The following PDE1C variants were observed in gnomAD, a reference collection of about 807,000 sequenced individuals.
PDE1C encodes phosphodiesterase 1C.
In PDE1C, 62 loss-of-function variants were observed where a neutral mutation model predicts 93.1. The observed-to-expected ratio is 0.67, with a 90% confidence interval of 0.54 to 0.82. The LOEUF (loss-of-function observed/expected upper bound fraction) is 0.82. Among genes scored for constraint, PDE1C ranks in the 40% least tolerant of loss-of-function variants. PDE1C has a pLI of 0.00. For missense variants in PDE1C, 742 were observed against 884.6 expected (o/e 0.84, Z 2.04); for synonymous variants, 325 against 310.1 (o/e 1.05, Z -0.50).
At position 31,879,044 on chromosome 7, in the gene PDE1C, C is replaced by A; in HGVS notation, c.377G>T (p.Arg126Leu). 1.2e-6 allele frequency: 2 copies of A among 1,614,164 alleles called. No homozygotes were observed. Among genetic ancestry groups the A allele is most frequent in the African/African-American group, 1.3e-5 (1 of 75,050 alleles). ...MMLRRSDEKPRFKSIVHAVQA... is the reference protein window; with the variant it reads ...MMLRRSDEKPLFKSIVHAVQA... ...CACTGCGTGAACGATGCTCTTGAACCGGGGCTTCTCGTCGCTCCTCCTGAG... is the reference window on the plus strand; with the variant it reads ...CACTGCGTGAACGATGCTCTTGAACAGGGGCTTCTCGTCGCTCCTCCTGAG... The change falls in exon 4 of 18, where the codon CGG (arginine) becomes CTG (leucine). Residue 126 changes from arginine to leucine, a missense_variant. Physicochemically the swap from Arg to Leu is moderately radical, Grantham distance 102. Transcript: ENST00000396191.
At chr7:31,628,658 G>A in the PDE1C span, among the ~76,000 whole-genome samples, 151 of 151,940 alleles carry the variant, frequency 9.9e-4, 1 homozygote, top group South Asian at 8.9e-3. Context: ...GGGTTTCACC[G>A]TGTTAGCCAG....
At chr7:31,651,978 G>C in the PDE1C span, 1 of 1,605,382 alleles carries the variant, frequency 6.2e-7, no homozygotes, top group Non-Finnish European at 8.5e-7. Context: ...GTGAGGCCCT[G>C]AGGCAGCAGG....
intron 3 of PDE1C, among the ~76,000 whole-genome samples, chr7:32,083,334 A>C (rs531638133): frequency 2.0e-5 from 3 of 151,940 alleles, no homozygotes; most frequent in Admixed American, 2.0e-4. Flanking sequence ...AAAGCCTCCA[A>C]GAAATATGGG....
At chr7:31,775,199 A>G (rs1056673913) in intron 17 of PDE1C, among the ~76,000 whole-genome samples, 3 of 152,196 alleles carry the variant, frequency 2.0e-5, no homozygotes, top group African/African-American at 7.2e-5. Flanking sequence ...ACTGGGCTAA[A>G]TTTACAAGCA....
At chr7:32,388,499 C>G (rs971029148) in intron 1 of PDE1C, among the ~76,000 whole-genome samples, 7 of 151,844 alleles carry the variant, frequency 4.6e-5, no homozygotes, top group Non-Finnish European at 8.8e-5. Flanking sequence ...AGCAACACAG[C>G]GAGACCCTGT....
At chr7:32,370,546 C>G (rs1012072040) in intron 1 of PDE1C, among the ~76,000 whole-genome samples, 3 of 149,342 alleles carry the variant, frequency 2.0e-5, no homozygotes, top group Non-Finnish European at 4.4e-5. Context: ...GACAGGAAAC[C>G]AAACACCACA....
intron 3 of PDE1C, among the ~76,000 whole-genome samples, chr7:32,163,395 C>T (rs986158330): frequency 2.6e-5 from 4 of 152,114 alleles, no homozygotes; most frequent in Admixed American, 2.6e-4. Context: ...AGGATGAGTT[C>T]AACGATTTAA....
the PDE1C span, chr7:31,652,105 G>A: frequency 2.4e-6 from 3 of 1,228,916 alleles, no homozygotes; most frequent in African/African-American, 3.0e-5. Flanking sequence ...CAGGAGAGGT[G>A]CATTAAATGA....
At chr7:31,870,438 A>G (rs1328938768) in intron 6 of PDE1C, among the ~76,000 whole-genome samples, 1 of 152,128 alleles carries the variant, frequency 6.6e-6, no homozygotes, top group Non-Finnish European at 1.5e-5. Context: ...CTGATACCAC[A>G]GAAACACAAA....
intron 3 of PDE1C, among the ~76,000 whole-genome samples, chr7:32,140,991 G>T (rs541400208): frequency 6.6e-6 from 1 of 152,306 alleles, no homozygotes; most frequent in South Asian, 2.1e-4. Flanking sequence ...CTCCTCATTT[G>T]GTTGCCAGGG....
chr7:31,661,775 G>C, the PDE1C span, among the ~76,000 whole-genome samples: 1 of 152,090 alleles, frequency 6.6e-6, no homozygotes, highest in African/African-American at 2.4e-5. Context: ...CTAAGTAAAA[G>C]TCAGTACTCC....
intron 2 of PDE1C, among the ~76,000 whole-genome samples, chr7:32,170,815 CT>C (rs143900672): frequency 0.12 from 17,836 of 151,958 alleles, 1,196 homozygotes; most frequent in Middle Eastern, 0.18. Flanking sequence ...CAGGGGTGTG[CT>C]TTTAAAACAA....
chr7:32,216,891 GC>G (rs1806471820), intron 1 of PDE1C, among the ~76,000 whole-genome samples: 1 of 152,218 alleles, frequency 6.6e-6, no homozygotes, highest in Admixed American at 6.5e-5. Flanking sequence ...CGAGAGAAGA[GC>G]CAGGCTGCAG....
At chr7:32,419,897 C>T (rs1785357788) in intron 1 of PDE1C, among the ~76,000 whole-genome samples, 1 of 150,912 alleles carries the variant, frequency 6.6e-6, no homozygotes, top group Non-Finnish European at 1.5e-5. Context: ...CAAGTCCTGG[C>T]ACTACTCTGA....
chr7:31,626,509 C>G, the PDE1C span, among the ~76,000 whole-genome samples: 1 of 152,122 alleles, frequency 6.6e-6, no homozygotes, highest in South Asian at 2.1e-4. Flanking sequence ...GTATGCTTCC[C>G]TTTGCTGTCA....
chr7:32,343,196 T>C (rs935812881), intron 1 of PDE1C, among the ~76,000 whole-genome samples: 1 of 152,208 alleles, frequency 6.6e-6, no homozygotes, highest in Non-Finnish European at 1.5e-5. Flanking sequence ...CCCATCAGCA[T>C]CAAGAAAAGC....
chr7:31,651,143 GCA>G, the PDE1C span: 1 of 1,612,574 alleles, frequency 6.2e-7, no homozygotes, highest in Non-Finnish European at 8.5e-7. Context: ...TGTTCTCAGT[GCA>G]CAGTCCATGA....
chr7:31,709,531 C>A, the PDE1C span, among the ~76,000 whole-genome samples: 6 of 152,140 alleles, frequency 3.9e-5, no homozygotes, highest in South Asian at 1.2e-3. Flanking sequence ...AATTATGAGA[C>A]TCAACTCACA....
intron 3 of PDE1C, among the ~76,000 whole-genome samples, chr7:32,112,926 G>T (rs940294666): frequency 2.0e-4 from 30 of 147,254 alleles, no homozygotes; most frequent in African/African-American, 5.5e-4. Flanking sequence ...TTTGATCAGA[G>T]GCAGTAAAGA....
Sources: allele counts gnomAD v4.1 joint callset (sites outside exome capture counted in the v4.1 genomes callset), GRCh38; gene constraint gnomAD v4.1.1; transcripts MANE v1.5; gene names NCBI Gene and HGNC (gene_info 2026-07-23, HGNC 2026-07-21).